GULP1: variants seen among roughly 807,000 people sequenced by gnomAD.
GULP1 encodes the protein PTB domain-containing engulfment adapter protein 1.
A neutral mutation model predicts 40.9 loss-of-function variants in GULP1; 19 were observed. The observed-to-expected ratio is 0.46, with a 90% CI of 0.32 to 0.68. GULP1 has a LOEUF of 0.68. Among genes scored for constraint, GULP1 ranks in the 30% least tolerant of loss-of-function variants. The pLI is 0.03. For missense variants in GULP1, 312 were observed against 362.2 expected (o/e 0.86, Z 1.12); for synonymous variants, 119 against 117.6 (o/e 1.01, Z -0.08).
intron 3 of GULP1, among the ~76,000 whole-genome samples, chr2:188,481,970 G>T (rs2061478859): frequency 6.6e-6 from 1 of 151,794 alleles, no homozygotes; most frequent in Non-Finnish European, 1.5e-5. Flanking sequence ...AAAAAGTATA[G>T]CTAAGATGAC....
At chr2:188,479,670 C>A (rs2061299490) in intron 3 of GULP1, among the ~76,000 whole-genome samples, 1 of 152,064 alleles carries the variant, frequency 6.6e-6, no homozygotes, top group South Asian at 2.1e-4. Flanking sequence ...TCTAGACCTT[C>A]TTTTTATATA....
chr2:188,398,424 T>C (rs1161159619), intron 2 of GULP1, among the ~76,000 whole-genome samples: 1 of 152,250 alleles, frequency 6.6e-6, no homozygotes, highest in Non-Finnish European at 1.5e-5. Flanking sequence ...TTAGTACATC[T>C]ATATATGTAA....
At chr2:188,477,845 A>ACC in intron 3 of GULP1, 115 bp downstream of exon 3, 1 of 753,120 alleles carries the variant, frequency 1.3e-6, no homozygotes, top group Non-Finnish European at 2.2e-6. Flanking sequence ...CCAGAAATGA[A>ACC]GTTAGATTAG....
At chr2:188,476,665 C>A (rs1318055976) in intron 2 of GULP1, among the ~76,000 whole-genome samples, 1 of 152,090 alleles carries the variant, frequency 6.6e-6, no homozygotes, top group Non-Finnish European at 1.5e-5. Flanking sequence ...CTAGTCCTCA[C>A]AGAAGATAAA....
chr2:188,586,296 C>A (rs1006560084), intron 10 of GULP1, among the ~76,000 whole-genome samples: 1 of 152,172 alleles, frequency 6.6e-6, no homozygotes, highest in African/African-American at 2.4e-5. Context: ...CTTGTCATTT[C>A]GTTTACTAAA....
intron 1 of GULP1, among the ~76,000 whole-genome samples, chr2:188,376,570 A>G (rs945834126): frequency 2.6e-5 from 4 of 152,218 alleles, no homozygotes; most frequent in African/African-American, 7.2e-5. Flanking sequence ...TTGAAATGCC[A>G]TGAAATTAAA....
intron 1 of GULP1, among the ~76,000 whole-genome samples, chr2:188,353,126 A>G (rs2044736203): frequency 6.6e-6 from 1 of 152,196 alleles, no homozygotes; most frequent in African/African-American, 2.4e-5. Context: ...TTGAGTATTT[A>G]CCATCTGGCA....
intron 7 of GULP1, among the ~76,000 whole-genome samples, chr2:188,553,022 T>G (rs1168769583): frequency 6.6e-6 from 1 of 151,916 alleles, no homozygotes; most frequent in Non-Finnish European, 1.5e-5. Context: ...TGCTCCTGAT[T>G]TTTGTACATT....
At chr2:188,489,895 G>C (rs1289913779) in intron 4 of GULP1, among the ~76,000 whole-genome samples, 1 of 152,028 alleles carries the variant, frequency 6.6e-6, no homozygotes, top group African/African-American at 2.4e-5. Context: ...AACAAATGGA[G>C]AAAAGGAAAT....
At position 188,541,300 on chromosome 2, in the gene GULP1, A is replaced by G; in HGVS notation, c.381A>G (p.Val127=). The part of the protein sequence containing the change: ...DSESNKHLCY[V]FDSEKCAEEI... ...AGTCAAATAAACATTTGTGCTATGT[A>G]TTTGACAGCGAAAAGTGTGTAAGTA... Residue 127 remains valine, a synonymous_variant, in exon 7 of 12, where the codon GTA becomes GTG. Transcript: ENST00000409830. 3.7e-6 allele frequency: 6 copies of G among 1,613,330 alleles called. No individual in the cohort carries two copies. Among genetic ancestry groups the G allele is most frequent in the Non-Finnish European group, 5.1e-6 (6 of 1,179,360 alleles).
chr2:188,537,982 C>T (rs960843941), intron 6 of GULP1, among the ~76,000 whole-genome samples: 2 of 151,968 alleles, frequency 1.3e-5, no homozygotes, highest in Admixed American at 1.3e-4. Context: ...TCAAGGTGTT[C>T]GTAATAGTCT....
chr2:188,540,442 G>A (rs1055099370), intron 6 of GULP1, among the ~76,000 whole-genome samples: 11 of 151,680 alleles, frequency 7.3e-5, no homozygotes, highest in African/African-American at 2.4e-4. Context: ...TAATATGTGT[G>A]TGTGTGTGTG....
chr2:188,383,006 C>T (rs1002154578), intron 1 of GULP1, among the ~76,000 whole-genome samples: 27 of 152,214 alleles, frequency 1.8e-4, no homozygotes, highest in South Asian at 1.2e-3. Flanking sequence ...AAAGTTATGA[C>T]GGGAAGCAGG....
intron 4 of GULP1, among the ~76,000 whole-genome samples, chr2:188,515,716 C>G (rs535906096): frequency 1.3e-5 from 2 of 151,778 alleles, no homozygotes; most frequent in African/African-American, 2.4e-5. Context: ...GACACACACA[C>G]ACACACACAC....
intron 1 of GULP1, among the ~76,000 whole-genome samples, chr2:188,382,924 T>C (rs781050135): frequency 1.2e-4 from 18 of 152,146 alleles, no homozygotes; most frequent in Non-Finnish European, 2.4e-4. Context: ...TAAAATAATA[T>C]TTGAGATCTA....
chr2:188,368,947 A>G lies in GULP1; in HGVS notation c.-171-14816A>G, dbSNP rs1242912087. 3.1e-3 allele frequency among the ~76,000 whole-genome samples: 236 copies of G among 77,254 alleles called. 3 individuals are homozygous for G. Among genetic ancestry groups the G allele is most frequent in the African/African-American group, 7.5e-3 (53 of 7,026 alleles). The allele number at this position is 77,254 out of a possible 152,430, so 50.7% of individuals were successfully genotyped here. A position where few individuals can be genotyped will look rare whatever the true frequency, so the allele number is the denominator to read the frequency against. Reference sequence around the variant, plus strand: ...TGTATATATATATGTGTGTATATATATATATATATATATATATATATATAT... The same window carrying G: ...TGTATATATATATGTGTGTATATATGTATATATATATATATATATATATAT... On this transcript the variant is annotated intron_variant, in intron 1 of 11. Coordinates refer to ENST00000409830, the MANE Select transcript of GULP1 (RefSeq NM_016315.4).
rs2054115235 is a variant in GULP1, at chr2:188,413,042, G to A, written c.-45+29153G>A. On this transcript the variant is annotated intron_variant, in intron 2 of 11. Transcript: ENST00000409830. ...TAAGTGATTTGTCCAAATACATTCA[G>A]CAATGTAACACTGGAGACAGTTAAA... Among the ~76,000 whole-genome samples the A allele has an allele frequency of 3.3e-5, 5 of 152,132 alleles. No individual in the cohort carries two copies. In the Middle Eastern group the frequency reaches 0.014, roughly 414 times the overall value.
intron 1 of GULP1, among the ~76,000 whole-genome samples, chr2:188,378,460 A>T (rs1442860506): frequency 6.6e-6 from 1 of 152,140 alleles, no homozygotes; most frequent in African/African-American, 2.4e-5. Context: ...TTGTATTGCT[A>T]TAAAGGAATA....
chr2:188,316,099 G>T (rs954096768), intron 1 of GULP1, among the ~76,000 whole-genome samples: 2 of 152,096 alleles, frequency 1.3e-5, no homozygotes, highest in Non-Finnish European at 2.9e-5. Flanking sequence ...CAGTTAGAAT[G>T]AAATTTTATT....
Sources: allele counts gnomAD v4.1 joint callset (sites outside exome capture counted in the v4.1 genomes callset), GRCh38; gene constraint gnomAD v4.1.1; transcripts MANE v1.5; gene names NCBI Gene and HGNC (gene_info 2026-07-23, HGNC 2026-07-21).